RPH3A: variants seen among roughly 807,000 people sequenced by gnomAD.
The protein encoded by RPH3A is rabphilin 3A, also known as rabphilin-3A.
A neutral mutation model predicts 102.2 loss-of-function variants in RPH3A; 48 were observed. That is an observed-to-expected ratio of 0.47 (90% CI 0.37 to 0.60). The LOEUF is 0.60. RPH3A is among the 20% of genes least tolerant of loss of function. RPH3A has a pLI of 0.00. For missense variants in RPH3A, 781 were observed against 910.1 expected, an observed-to-expected ratio of 0.86 and a Z score of 1.83; for synonymous variants, 310 against 324.3, an observed-to-expected ratio of 0.96 and a Z score of 0.47.
intron 1 of RPH3A, among the ~76,000 whole-genome samples, chr12:112,730,925 T>C (rs1186800060): frequency 6.6e-6 from 1 of 152,190 alleles, no homozygotes; most frequent in Non-Finnish European, 1.5e-5. Context: ...CTCAGATCTC[T>C]GTAATTTACC....
Position 112,723,641 on chromosome 12 carries a change from A to T in RPH3A, c.-139-68502A>T, listed in dbSNP as rs576748154. Among the ~76,000 whole-genome samples, 15 of 152,360 alleles carry T rather than the reference A, an allele frequency of 9.8e-5. No individual in the cohort carries two copies. In the South Asian group the frequency reaches 2.1e-3, roughly 21 times the overall value. On this transcript the variant is annotated intron_variant, in intron 1 of 21. Transcript: ENST00000543106. The stretch of plus-strand genomic sequence containing the variant: ...TGGTATTGCACCAAACATGATGAAA[A>T]ATCCACGAGAACCGCTAGAGATCAC...
chr12:112,712,570 C>T (rs963858953), intron 1 of RPH3A, among the ~76,000 whole-genome samples: 4 of 152,152 alleles, frequency 2.6e-5, no homozygotes, highest in South Asian at 2.1e-4. Flanking sequence ...CTGAAGCAAT[C>T]ACAGCCCTGT....
rs1228958422 is a variant in RPH3A, at chr12:112,712,907, TTCTTCTTCTTCTTCTTCC to T, written c.-139-79218_-139-79201del. ...CTTCTTCTTCTTCTTCTTCTTCCTC[TTCTTCTTCTTCTTCTTCC>T]TCTTCTTCTTCTTCTTCTTCTTCTT... On this transcript the variant is annotated intron_variant, in intron 1 of 21. Transcript: ENST00000543106. Among the ~76,000 whole-genome samples, 1,003 of 104,380 alleles carry T rather than the reference TTCTTCTTCTTCTTCTTCC, an allele frequency of 9.6e-3. 43 individuals are homozygous for T. The highest frequency in any genetic ancestry group is 0.028 in the African/African-American group (616 of 21,816). 68.5% of individuals were successfully genotyped at this position (104,380 alleles called of 152,430 possible).
At position 112,828,821 on chromosome 12, in the gene RPH3A, C is replaced by CT. The variant is rs1276349012; in HGVS notation, c.71+439dup. ...CAGAAGTGTATGTGTAGGTTTTTTTCTTTTTTTATATTTTGGGACTGATCA... is the reference window on the plus strand; with the variant it reads ...CAGAAGTGTATGTGTAGGTTTTTTTCTTTTTTTTATATTTTGGGACTGATCA... On this transcript the variant is annotated intron_variant, in intron 3 of 21. Coordinates refer to ENST00000389385, the MANE Select transcript of RPH3A (RefSeq NM_001143854.2). Among the ~76,000 whole-genome samples, 3 of 152,158 alleles carry CT rather than the reference C, an allele frequency of 2.0e-5. 1 individual carries two copies. The highest frequency in any genetic ancestry group is 6.5e-5 in the Admixed American group (1 of 15,296).
chr12:112,661,869 C>T (rs1459032526), intron 1 of RPH3A, among the ~76,000 whole-genome samples: 1 of 152,104 alleles, frequency 6.6e-6, no homozygotes, highest in African/African-American at 2.4e-5. Context: ...ACCACCCACC[C>T]CCCAAATAAA....
At chr12:112,612,751 T>C (rs2039648788) in intron 1 of RPH3A, among the ~76,000 whole-genome samples, 1 of 151,668 alleles carries the variant, frequency 6.6e-6, no homozygotes, top group African/African-American at 2.4e-5. Context: ...TTTTCTTTTT[T>C]TTTTGTAGAG....
chr12:112,599,255 G>A (rs1344644620), intron 1 of RPH3A, among the ~76,000 whole-genome samples: 1 of 152,198 alleles, frequency 6.6e-6, no homozygotes, highest in African/African-American at 2.4e-5. Context: ...AGTGCTGGGT[G>A]CTTATAAGGC....
chr12:112,764,339 G>T (rs1248451783), intron 1 of RPH3A, among the ~76,000 whole-genome samples: 1 of 152,208 alleles, frequency 6.6e-6, no homozygotes, highest in Non-Finnish European at 1.5e-5. Flanking sequence ...GGTTATAGGA[G>T]TGAGAGAAGA....
chr12:112,645,616 T>A, intron 1 of RPH3A, among the ~76,000 whole-genome samples: 1 of 152,206 alleles, frequency 6.6e-6, no homozygotes, highest in East Asian at 1.9e-4. Flanking sequence ...AGCTCTCCTC[T>A]GCAAATTTCG....
chr12:112,829,385 C>G (rs1484553823), intron 3 of RPH3A, among the ~76,000 whole-genome samples: 1 of 140,952 alleles, frequency 7.1e-6, no homozygotes, highest in Non-Finnish European at 1.6e-5. Flanking sequence ...ATCCTCTTGT[C>G]TCAGCCTCCT....
intron 1 of RPH3A, among the ~76,000 whole-genome samples, chr12:112,696,867 C>T (rs1011332855): frequency 1.3e-5 from 2 of 152,132 alleles, no homozygotes; most frequent in South Asian, 2.1e-4. Flanking sequence ...GATCAGAAGG[C>T]TTCAGCATTT....
At chr12:112,683,659 G>A (rs543879576) in intron 1 of RPH3A, among the ~76,000 whole-genome samples, 1 of 152,270 alleles carries the variant, frequency 6.6e-6, no homozygotes, top group East Asian at 1.9e-4. Context: ...ATATGTTTCA[G>A]AATTGTCTCA....
intron 1 of RPH3A, among the ~76,000 whole-genome samples, chr12:112,767,940 A>G (rs2040902727): frequency 6.6e-6 from 1 of 152,190 alleles, no homozygotes; most frequent in African/African-American, 2.4e-5. Context: ...AAAGTAGATT[A>G]GTGGTTGCCA....
At position 112,896,736 on chromosome 12, in the gene RPH3A, C is replaced by A; in HGVS notation, c.2041C>A (p.Arg681Ser). The stretch of plus-strand genomic sequence containing the variant: ...GAAAAATAAAGACAAGAAGATAGAG[C>A]GCTGGCACCAGCTACAGAATGAGAA... ...CLKNKDKKIE[R>S]WHQLQNENHV... The change falls in exon 22 of 22, where the codon CGC becomes AGC. Residue 681 changes from arginine to serine, a missense_variant. Physicochemically the swap from Arg to Ser is moderately radical, Grantham distance 110 (BLOSUM62 -1). Around this residue, in one of 2 missense-constraint regions of RPH3A, gnomAD observed 51 missense variants for 100.1 expected, o/e 0.51. Transcript: ENST00000389385. 1 of 1,614,100 alleles carries A rather than the reference C, an allele frequency of 6.2e-7. No homozygotes were observed. Among genetic ancestry groups the A allele is most frequent in the Non-Finnish European group, 8.5e-7 (1 of 1,180,004 alleles).
chr12:112,859,586 T>C (rs1409015866), intron 5 of RPH3A, among the ~76,000 whole-genome samples: 2 of 152,168 alleles, frequency 1.3e-5, no homozygotes, highest in Admixed American at 1.3e-4. Flanking sequence ...GGTGAGCATG[T>C]TTCAAACCCA....
At chr12:112,836,594 G>T (rs2042055574) in intron 4 of RPH3A, 92 bp downstream of exon 4, 2 of 501,294 alleles carry the variant, frequency 4.0e-6, no homozygotes, top group Middle Eastern at 4.6e-4. Flanking sequence ...AAAGAGAGAT[G>T]GTTAAAAAAG....
chr12:112,773,636 C>T (rs936065335), intron 1 of RPH3A, among the ~76,000 whole-genome samples: 1 of 150,614 alleles, frequency 6.6e-6, no homozygotes, highest in African/African-American at 2.4e-5. Context: ...TGTTTATATG[C>T]AACATTCCAT....
At chr12:112,747,716 T>C (rs1221360605) in intron 1 of RPH3A, among the ~76,000 whole-genome samples, 1 of 152,244 alleles carries the variant, frequency 6.6e-6, no homozygotes, top group East Asian at 1.9e-4. Context: ...ATCTCTATTG[T>C]AATCTCTTAG....
At chr12:112,660,678 C>T (rs2040042964) in intron 1 of RPH3A, among the ~76,000 whole-genome samples, 1 of 152,160 alleles carries the variant, frequency 6.6e-6, no homozygotes, top group Non-Finnish European at 1.5e-5. Context: ...AAGTGAGACC[C>T]TGTCTCCAAA....
Sources: gnomAD v4.1 joint callset for allele counts (sites outside exome capture counted in the v4.1 genomes callset) on GRCh38, gnomAD v4.1.1 for gene constraint, gnomAD v4.1.1 regional missense constraint, MANE v1.5 for transcripts, NCBI Gene and HGNC (gene_info 2026-07-23, HGNC 2026-07-21) for gene names.